Variants in MDN1 observed in about 807,000 individuals in gnomAD.
The protein encoded by MDN1 is midasin AAA ATPase 1.
MDN1 carries 266 observed loss-of-function variants against 669.2 expected under a neutral mutation model. The ratio of observed to expected loss-of-function variants is 0.40; its 90% CI spans 0.36 to 0.44. The LOEUF (loss-of-function observed/expected upper bound fraction) is 0.44. MDN1 is among the 20% of genes least tolerant of loss of function. The pLI is 1.00. For missense variants in MDN1, 5,940 were observed against 6,754.0 expected (o/e 0.88, Z 4.22); for synonymous variants, 2,385 against 2,457.1 (o/e 0.97, Z 0.87).
rs775837258 is a variant in MDN1 at position 89,725,200 on chromosome 6, T to G, written c.5669A>C (p.Gln1890Pro). The change falls in exon 38 of 102, where the codon CAG becomes CCG. Residue 1890 changes from glutamine to proline, a missense_variant and splice_region_variant. By Grantham distance (76) the Gln-to-Pro change is moderately conservative. Coordinates refer to ENST00000369393, the MANE Select transcript of MDN1 (RefSeq NM_014611.3). Reference protein sequence around the residue: ...LPRSFLNRFTQVFVDPLTVID... With the variant: ...LPRSFLNRFTPVFVDPLTVID... ...CTCTATGGCAACAGCAAATCTTACC[T>G]GAGTGAATCTGTTAAGGAAAGACCT... 1.2e-6 allele frequency: 2 copies of G among 1,613,904 alleles called. No individual in the cohort carries two copies. Among genetic ancestry groups the G allele is most frequent in the Non-Finnish European group, 1.7e-6 (2 of 1,179,848 alleles).
chr6:89,728,097 C>T, intron 36 of MDN1, 142 bp from the exon 37 acceptor site: 1 of 993,230 alleles, frequency 1.0e-6, no homozygotes, highest in Non-Finnish European at 1.4e-6. Flanking sequence ...ACTAACCAAT[C>T]CCAGCTCTCT....
At chr6:89,802,550 G>A (rs544058213) in intron 2 of MDN1, among the ~76,000 whole-genome samples, 1 of 152,100 alleles carries the variant, frequency 6.6e-6, no homozygotes, top group East Asian at 1.9e-4. Context: ...GGGCGTGGTG[G>A]TGTGCGCGCC....
chr6:89,661,286 G>A, intron 88 of MDN1, 145 bp downstream of exon 88: 1 of 896,382 alleles, frequency 1.1e-6, no homozygotes, highest in Non-Finnish European at 1.7e-6. Context: ...CAAAGGAAAG[G>A]CAAACCATTT....
intron 80 of MDN1, 65 bp from the exon 81 acceptor site, chr6:89,672,767 C>T: frequency 6.6e-7 from 1 of 1,515,134 alleles, no homozygotes; most frequent in East Asian, 2.3e-5. Context: ...GCTTTAGTGC[C>T]TCTGGAAATC....
intron 62 of MDN1, among the ~76,000 whole-genome samples, chr6:89,693,816 T>C (rs1423639471): frequency 1.3e-5 from 2 of 152,174 alleles, no homozygotes; most frequent in African/African-American, 4.8e-5. Flanking sequence ...GTGCATACTA[T>C]CACACCCCAC....
intron 33 of MDN1, among the ~76,000 whole-genome samples, chr6:89,736,946 CTTTGTTAGACAGA>C (rs1237352933): frequency 1.3e-5 from 2 of 152,152 alleles, no homozygotes; most frequent in Admixed American, 6.6e-5. Context: ...TCACCTGAGG[CTTTGTTAGACAGA>C]CAAATTCTCT....
intron 40 of MDN1, among the ~76,000 whole-genome samples, chr6:89,722,000 G>A (rs376831414): frequency 1.3e-5 from 2 of 152,188 alleles, no homozygotes; most frequent in East Asian, 3.9e-4. Context: ...ACTGGAGAGG[G>A]CCTAAACTGG....
chr6:89,746,581 G>C (rs1343472257), intron 27 of MDN1, among the ~76,000 whole-genome samples: 2 of 121,282 alleles, frequency 1.6e-5, no homozygotes, highest in Admixed American at 9.5e-5. Flanking sequence ...GCTACAGAGG[G>C]AGACTCTATC....
chr6:89,656,673 T>G (rs1444316954), intron 91 of MDN1, 27 bp downstream of exon 91: 1 of 1,497,426 alleles, frequency 6.7e-7, no homozygotes, highest in Admixed American at 1.8e-5. Flanking sequence ...TGCCTTCACC[T>G]AAGTTTAGCT....
chr6:89,696,341 T>C lies in MDN1; in HGVS notation c.9383+19A>G, dbSNP rs1448432247. The C allele has an allele frequency of 6.2e-7, 1 of 1,611,766 alleles. No individual in the cohort carries two copies. Among genetic ancestry groups the C allele is most frequent in the Non-Finnish European group, 8.5e-7 (1 of 1,178,154 alleles). The stretch of plus-strand genomic sequence containing the variant: ...AAAAGACAGGAACTTTACAGTCTGC[T>C]TCCAGGGCGAGGGAATACCTGAATT... On this transcript the variant is annotated intron_variant, in intron 60 of 101. Transcript: ENST00000369393.
Position 89,672,720 on chromosome 6 carries a change from G to A in MDN1, c.13475-18C>T, listed in dbSNP as rs1438584063. ...TTGATTTCCTAGCAGGTAACATGGT[G>A]CAAAACAAACATACAAACAAAAGAC... On this transcript the variant is annotated intron_variant, in intron 80 of 101. Transcript: ENST00000369393. 6.2e-7 allele frequency: 1 copy of A among 1,610,444 alleles called. No individual in the cohort carries two copies. The highest frequency in any genetic ancestry group is 2.2e-5 in the East Asian group (1 of 44,810).
At chr6:89,674,684 A>G in intron 78 of MDN1, 95 bp from the exon 79 acceptor site, 1 of 1,460,560 alleles carries the variant, frequency 6.8e-7, no homozygotes, top group Non-Finnish European at 9.1e-7. Context: ...CTGAACAAGC[A>G]TGGGCTTTTT....
rs998277635 is a variant in MDN1, at chr6:89,794,714, T to A, written c.417A>T (p.Gly139=). The change falls in exon 3 of 102, where the codon GGA becomes GGT. Residue 139 remains glycine (G), a synonymous_variant. Coordinates refer to ENST00000369393, the MANE Select transcript of MDN1 (RefSeq NM_014611.3). ...ESSDANPVRY[G]RRRMKLRDLM... is the part of the protein sequence containing the mutation. ...GGTCCCGGAGCTTCATCCTCCTACGTCCATAGCGTACTGGATTAGCATCTG... is the reference window on the plus strand; with the variant it reads ...GGTCCCGGAGCTTCATCCTCCTACGACCATAGCGTACTGGATTAGCATCTG... 3.7e-6 allele frequency: 6 copies of A among 1,614,202 alleles called. No homozygotes were observed. The highest frequency in any genetic ancestry group is 5.1e-6 in the Non-Finnish European group (6 of 1,180,044).
chr6:89,685,489 G>T (rs1047140668), intron 70 of MDN1, among the ~76,000 whole-genome samples: 1 of 152,042 alleles, frequency 6.6e-6, no homozygotes, highest in Non-Finnish European at 1.5e-5. Flanking sequence ...GCTCTCACTG[G>T]ATGAAAGAAA....
rs1392388606 is a variant in MDN1, at chr6:89,708,526, A to G, written c.7868T>C (p.Leu2623Pro). The G allele has an allele frequency of 1.9e-6, 3 of 1,614,106 alleles. No individual in the cohort carries two copies. The highest frequency in any genetic ancestry group is 2.5e-6 in the Non-Finnish European group (3 of 1,179,974). The change falls in exon 51 of 102, where the codon CTC becomes CCC. Residue 2623 changes from leucine to proline, a missense_variant. Transcript: ENST00000369393. ...TGCAGCTGATTCTAAAAGGGCAAAG[A>G]GCTGGTCAGGCTGGTCCGTTTGTGG... ...FDPQTDQPDQ[L>P]FALLESAANK...
intron 9 of MDN1, 86 bp from the exon 10 acceptor site, chr6:89,781,678 C>G (rs1215666273): frequency 8.4e-7 from 1 of 1,188,164 alleles, no homozygotes; most frequent in East Asian, 2.4e-5. Context: ...ACTGGTCAGC[C>G]AAAAATTGTA....
At chr6:89,698,018 T>C (rs1002463955) in intron 59 of MDN1, among the ~76,000 whole-genome samples, 6 of 152,206 alleles carry the variant, frequency 3.9e-5, no homozygotes, top group African/African-American at 1.2e-4. Context: ...TTTAACTATA[T>C]GACAGAAACA....
At chr6:89,746,255 T>G (rs550104554) in intron 27 of MDN1, among the ~76,000 whole-genome samples, 2 of 152,230 alleles carry the variant, frequency 1.3e-5, no homozygotes, top group South Asian at 2.1e-4. Context: ...AGGTGATACT[T>G]TACATGGGAA....
chr6:89,815,047 G>T, intron 1 of MDN1: 1 of 499,396 alleles, frequency 2.0e-6, no homozygotes, highest in Non-Finnish European at 3.7e-6. Flanking sequence ...GAAGAAAGGG[G>T]TACAAAAGGG....
Sources: gnomAD v4.1 joint callset for allele counts (sites outside exome capture counted in the v4.1 genomes callset) on GRCh38, gnomAD v4.1.1 for gene constraint, MANE v1.5 for transcripts, NCBI Gene and HGNC (gene_info 2026-07-23, HGNC 2026-07-21) for gene names.